F11: variants seen among roughly 807,000 people sequenced by gnomAD.
F11 encodes the protein coagulation factor XI.
A neutral mutation model predicts 76.5 loss-of-function variants in F11; 78 were observed. That is an observed-to-expected ratio of 1.02 (90% CI 0.85 to 1.23). The LOEUF (loss-of-function observed/expected upper bound fraction) is 1.23, where lower values mean the gene tolerates loss of function less well. Among genes scored for constraint, F11 ranks in the 50% most tolerant of loss-of-function variants. F11 has a pLI of 0.00. For synonymous variants in F11, 278 were observed against 276.3 expected, an observed-to-expected ratio of 1.01 and a Z score of -0.06; for missense variants, 742 against 771.4, an observed-to-expected ratio of 0.96 and a Z score of 0.45.
At position 186,286,454 on chromosome 4, in the gene F11, G is replaced by C. The variant is rs1244630371; in HGVS notation, c.1520G>C (p.Arg507Thr). The C allele has an allele frequency of 1.2e-6, 2 of 1,613,888 alleles. No individual in the cohort carries two copies. The highest frequency in any genetic ancestry group is 2.7e-5 in the African/African-American group (2 of 74,904). ...ATATGCCTGCCTTCCAAAGGAGATA[G>C]AAATGTAATATACACTGATTGCTGG... ...RPICLPSKGD[R>T]NVIYTDCWVT... Residue 507 changes from arginine (R) to threonine (T), a missense_variant, in exon 13 of 15, where the codon AGA becomes ACA. Transcript: ENST00000403665.
chr4:186,277,082 A>G (rs1301962073), intron 7 of F11, among the ~76,000 whole-genome samples: 1 of 152,038 alleles, frequency 6.6e-6, no homozygotes, highest in Non-Finnish European at 1.5e-5. Flanking sequence ...TGAGTCTCCA[A>G]TAGCTTTCAT....
intron 3 of F11, among the ~76,000 whole-genome samples, chr4:186,272,580 C>T (rs1453495932): frequency 6.6e-6 from 1 of 152,136 alleles, no homozygotes; most frequent in Non-Finnish European, 1.5e-5. Context: ...CATTCACAGG[C>T]ATTTATGTAG....
At chr4:186,289,932 C>T (rs901670768), downstream of F11, among the ~76,000 whole-genome samples, 36 of 152,132 alleles carry the variant, frequency 2.4e-4, no homozygotes, top group South Asian at 4.1e-4. Context: ...CTGCCCACCT[C>T]GGCCTCTCAA....
At chr4:186,284,556 G>A (rs576657291) in intron 11 of F11, among the ~76,000 whole-genome samples, 2 of 152,006 alleles carry the variant, frequency 1.3e-5, no homozygotes, top group Non-Finnish European at 2.9e-5. Context: ...TCTGTGCCTC[G>A]CTCTGTGCAC....
rs562012347 is a variant in F11 at position 186,270,990 on chromosome 4, G to A, written c.56-619G>A. ...CAAAGTGCTGGGATTACACGCATGA[G>A]CCACTGCGCCCACTCCGCATTATTA... On this transcript the variant is annotated intron_variant, in intron 2 of 14. Coordinates refer to ENST00000403665, the MANE Select transcript of F11 (RefSeq NM_000128.4). Among the ~76,000 whole-genome samples, 9 of 151,972 alleles carry A rather than the reference G, an allele frequency of 5.9e-5. No homozygotes were observed. In the South Asian group the frequency reaches 1.9e-3, roughly 32 times the overall value.
chr4:186,288,367 G>A, intron 14 of F11, 86 bp from the exon 15 acceptor site: 1 of 1,573,094 alleles, frequency 6.4e-7, no homozygotes, highest in Non-Finnish European at 8.7e-7. Flanking sequence ...CAACATTTTA[G>A]GCAAAATCAG....
At chr4:186,281,792 C>A in intron 10 of F11, 1 of 915,438 alleles carries the variant, frequency 1.1e-6, no homozygotes, top group East Asian at 6.6e-5. Context: ...GTTTTAGAAG[C>A]ACAAAAACAT....
At chr4:186,286,599 C>A in intron 13 of F11, 89 bp downstream of exon 13, 1 of 1,588,418 alleles carries the variant, frequency 6.3e-7, no homozygotes, top group South Asian at 1.1e-5. Flanking sequence ...TGAAGCACAA[C>A]TCGAGTCACA....
intron 11 of F11, 67 bp from the exon 12 acceptor site, chr4:186,285,571 A>G: frequency 6.7e-7 from 1 of 1,495,034 alleles, no homozygotes; most frequent in Non-Finnish European, 9.3e-7. Context: ...ACAGCCACAC[A>G]CTTCACAATG....
rs558590412 is a variant in F11 at position 186,281,962 on chromosome 4, C to G, written c.1135+1382C>G. The G allele has an allele frequency of 6.7e-5, 86 of 1,277,804 alleles. No homozygotes were observed. The African/African-American group carries it at 1.3e-3, about 19-fold the overall frequency. 79.2% of individuals were successfully genotyped at this position (1,277,804 alleles called of 1,614,324 possible). ...CTTAGAGGCGCTCCGATGAAAATCTCTGGATGGCTCAAGACTTCTTAAAAA... is the reference window on the plus strand; with the variant it reads ...CTTAGAGGCGCTCCGATGAAAATCTGTGGATGGCTCAAGACTTCTTAAAAA... On this transcript the variant is annotated intron_variant, in intron 10 of 14. Transcript: ENST00000403665.
At chr4:186,266,593 G>GT (rs1176028351) in intron 1 of F11, among the ~76,000 whole-genome samples, 2 of 152,150 alleles carry the variant, frequency 1.3e-5, no homozygotes, top group East Asian at 3.9e-4. Context: ...TGATGACTCC[G>GT]TTTTTCCTAG....
intron 10 of F11, 24 bp downstream of exon 10, chr4:186,280,604 A>T: frequency 6.5e-7 from 1 of 1,527,174 alleles, no homozygotes; most frequent in Non-Finnish European, 9.1e-7. Context: ...CACTTGAAAA[A>T]ATATAGCTGA....
In F11 at chr4:186,288,824, G is replaced by C. The variant is rs1196870651; in HGVS notation, c.*210G>C. The C allele has an allele frequency of 5.7e-5, 33 of 580,810 alleles. No homozygotes were observed. Among genetic ancestry groups the C allele is most frequent in the Non-Finnish European group, 9.8e-5 (32 of 327,460 alleles). 36.0% of individuals were successfully genotyped at this position (580,810 alleles called of 1,614,324 possible). On this transcript the variant is annotated 3_prime_UTR_variant, in exon 15 of 15. Coordinates refer to ENST00000403665, the MANE Select transcript of F11 (RefSeq NM_000128.4). ...TCGTTGTAGTTTGTTTGAGCATTCA[G>C]TCTCTTTGTTTTTGATCACGCTTCT... is the stretch of plus-strand genomic sequence containing the variant.
chr4:186,285,767 G>A lies in F11; in HGVS notation c.1434G>A (p.Gly478=). The A allele has an allele frequency of 6.2e-7, 1 of 1,614,172 alleles. No individual in the cohort carries two copies. Among genetic ancestry groups the A allele is most frequent in the Non-Finnish European group, 8.5e-7 (1 of 1,180,022 alleles). Residue 478 remains glycine, a synonymous_variant, in exon 12 of 15, where the codon GGG becomes GGA. Coordinates refer to ENST00000403665, the MANE Select transcript of F11 (RefSeq NM_000128.4). The stretch of plus-strand genomic sequence containing the variant: ...ATCAGTATAAAATGGCAGAAAGCGG[G>A]TATGATATTGCCTTGTTGAAACTGG... The part of the protein sequence containing the change: ...IHDQYKMAES[G]YDIALLKLET...
At position 186,271,689 on chromosome 4, in the gene F11, T is replaced by C. The variant is rs1739969361; in HGVS notation, c.136T>C (p.Cys46Arg). 6.2e-7 allele frequency: 1 copy of C among 1,614,062 alleles called. No homozygotes were observed. The highest frequency in any genetic ancestry group is 8.5e-7 in the Non-Finnish European group (1 of 1,180,018). Reference protein sequence around the residue: ...TTVFTPSAKYCQVVCTYHPRC... With the variant: ...TTVFTPSAKYRQVVCTYHPRC... ...GGTCTTCACACCAAGCGCCAAGTACTGCCAGGTAGTCTGCACTTACCACCC... is the reference window on the plus strand; with the variant it reads ...GGTCTTCACACCAAGCGCCAAGTACCGCCAGGTAGTCTGCACTTACCACCC... The change falls in exon 3 of 15, where the codon TGC becomes CGC. Residue 46 changes from cysteine to arginine, a missense_variant. Physicochemically the swap from Cys to Arg is radical, Grantham distance 180. Coordinates refer to ENST00000403665, the MANE Select transcript of F11 (RefSeq NM_000128.4).
chr4:186,289,118 T>C lies in F11; in HGVS notation c.*504T>C, dbSNP rs1741416864. ...ATTGATTGCATTTAATGGCAGATTTTCAGAATAGTCAGGAATTCTTGTCAT... is the reference window on the plus strand; with the variant it reads ...ATTGATTGCATTTAATGGCAGATTTCCAGAATAGTCAGGAATTCTTGTCAT... On this transcript the variant is annotated 3_prime_UTR_variant, in exon 15 of 15. Transcript: ENST00000403665. The C allele has an allele frequency of 6.3e-6, 1 of 159,626 alleles. No homozygotes were observed. Among genetic ancestry groups the C allele is most frequent in the Admixed American group, 6.0e-5 (1 of 16,790 alleles). The allele number at this position is 159,626 out of a possible 1,614,324, so 9.9% of individuals were successfully genotyped here.
At chr4:186,270,862 A>ATTTTTTTT (rs34930947) in intron 2 of F11, among the ~76,000 whole-genome samples, 5 of 138,308 alleles carry the variant, frequency 3.6e-5, no homozygotes, top group Non-Finnish European at 1.5e-5. Flanking sequence ...CCCAGCTAGT[A>ATTTTTTTT]TTTTTTTTTT....
intron 5 of F11, chr4:186,275,160 G>T (rs1226769093): frequency 2.2e-6 from 1 of 456,930 alleles, no homozygotes; most frequent in East Asian, 6.9e-5. Flanking sequence ...CAAGAAATTG[G>T]AGGTTTCTAA....
intron 2 of F11, among the ~76,000 whole-genome samples, chr4:186,267,864 C>A (rs1425392082): frequency 6.6e-6 from 1 of 152,062 alleles, no homozygotes; most frequent in Admixed American, 6.5e-5. Flanking sequence ...TGAAAAAAGG[C>A]AAACCTAGGT....
Sources: gnomAD v4.1 joint callset for allele counts (sites outside exome capture counted in the v4.1 genomes callset) on GRCh38, gnomAD v4.1.1 for gene constraint, MANE v1.5 for transcripts, NCBI Gene and HGNC (gene_info 2026-07-23, HGNC 2026-07-21) for gene names.